ABCC5: variants seen among roughly 807,000 people sequenced by gnomAD.
ABCC5 encodes ATP binding cassette subfamily C member 5, also known as ATP-binding cassette sub-family C member 5.
Under a neutral mutation model 160.9 loss-of-function variants are expected in ABCC5, and 61 were observed. The ratio of observed to expected loss-of-function variants is 0.38; its 90% confidence interval spans 0.31 to 0.47. The LOEUF (loss-of-function observed/expected upper bound fraction) is 0.47. Ranked by LOEUF, ABCC5 falls within the 20% of genes least tolerant of loss-of-function variation. The pLI is 0.99. For synonymous variants in ABCC5, 666 were observed against 700.6 expected (o/e 0.95, Z 0.78); for missense variants, 1,308 against 1,813.3 (o/e 0.72, Z 5.06).
At position 183,987,435 on chromosome 3, in the gene ABCC5, A is replaced by C. The variant is rs1719319240; in HGVS notation, c.591+335T>G. 3 of 565,272 alleles carry C rather than the reference A, an allele frequency of 5.3e-6. No individual in the cohort carries two copies. The highest frequency in any genetic ancestry group is 9.4e-6 in the Non-Finnish European group (3 of 317,586). 35.0% of individuals were successfully genotyped at this position (565,272 alleles called of 1,614,324 possible). A position where few individuals can be genotyped will look rare whatever the true frequency, so the allele number is the denominator to read the frequency against. ...AGCCCGGGCCACACAACGTGCTCTC[A>C]CCCACTCATAGCACTGCAAGACACA... On this transcript the variant is annotated intron_variant, in intron 5 of 29. Transcript: ENST00000334444. The surrounding 1 kb of genome is among the most constrained non-coding windows in gnomAD (Gnocchi z 4.2).
intron 27 of ABCC5, 61 bp downstream of exon 27, chr3:183,928,686 G>A: frequency 6.8e-7 from 1 of 1,480,890 alleles, no homozygotes; most frequent in Non-Finnish European, 9.4e-7. Flanking sequence ...GTGTGGCAAG[G>A]GCACTGCTGT....
At chr3:184,014,526 G>GGA (rs759603044) in intron 1 of ABCC5, 79 bp from the exon 2 acceptor site, 1 of 512,266 alleles carries the variant, frequency 2.0e-6, no homozygotes, top group Non-Finnish European at 2.7e-6. Context: ...TTAAAAATAG[G>GGA]AAAAAAAAAA....
chr3:184,014,349 G>A lies in ABCC5; in HGVS notation c.44C>T (p.Pro15Leu). Residue 15 changes from proline (P) to leucine (L), a missense_variant, in exon 2 of 30, where the codon CCT becomes CTT. Pro to Leu is a moderately conservative substitution (Grantham distance 98). Around this residue, in one of 3 missense-constraint regions of ABCC5, gnomAD observed 1,142 missense variants for 1,527.1 expected, o/e 0.75. Coordinates refer to ENST00000334444, the MANE Select transcript of ABCC5 (RefSeq NM_005688.4). ...DIGKEYIIPS[P>L]GYRSVRERTS... ...TCTCTCCCTCACACTTCTATACCCA[G>A]GACTGGGGATGATATACTCTTTTCC... 21 of 1,613,712 alleles carry A rather than the reference G, an allele frequency of 1.3e-5. No homozygotes were observed. Among genetic ancestry groups the A allele is most frequent in the Non-Finnish European group, 1.8e-5 (21 of 1,179,846 alleles).
chr3:183,993,961 C>CTTT (rs746329198), intron 2 of ABCC5, among the ~76,000 whole-genome samples: 1 of 133,206 alleles, frequency 7.5e-6, no homozygotes, highest in Non-Finnish European at 1.6e-5. Flanking sequence ...GGAGATCTCA[C>CTTT]TTTTTTTTTT....
intron 25 of ABCC5, among the ~76,000 whole-genome samples, chr3:183,938,589 G>A (rs1396725431): frequency 2.0e-5 from 3 of 152,024 alleles, no homozygotes; most frequent in Admixed American, 2.0e-4. Context: ...GAGCCACCGC[G>A]CCTGGCTGAC....
At position 183,992,736 on chromosome 3, in the gene ABCC5, C is replaced by A. The variant is rs561905715; in HGVS notation, c.130-3353G>T. On this transcript the variant is annotated intron_variant, in intron 2 of 29. Coordinates refer to ENST00000334444, the MANE Select transcript of ABCC5 (RefSeq NM_005688.4). Reference sequence around the variant, plus strand: ...CCTGGGAGGCGGAGCTTGCAGTGAGCCAAGATAGCGCCACTGCACTCCGGC... The same window carrying A: ...CCTGGGAGGCGGAGCTTGCAGTGAGACAAGATAGCGCCACTGCACTCCGGC... 3.9e-5 allele frequency among the ~76,000 whole-genome samples: 6 copies of A among 152,042 alleles called. No homozygotes were observed. In the East Asian group the frequency reaches 1.2e-3, roughly 29 times the overall value.
At chr3:184,015,341 TC>T (rs1372934433) in intron 1 of ABCC5, among the ~76,000 whole-genome samples, 3 of 152,058 alleles carry the variant, frequency 2.0e-5, no homozygotes, top group Non-Finnish European at 4.4e-5. Context: ...CCAAAATGTT[TC>T]CCCCCTCTAA....
Position 183,951,845 on chromosome 3 carries a change from A to G in ABCC5, c.2814+12T>C, listed in dbSNP as rs748956833. The stretch of plus-strand genomic sequence containing the variant: ...CCAGGGAGGAGGGCAGAGACCACCC[A>G]CCAATGCATACCTTGACAAAGACAA... On this transcript the variant is annotated intron_variant, in intron 19 of 29. Coordinates refer to ENST00000334444, the MANE Select transcript of ABCC5 (RefSeq NM_005688.4). This position sits in a 1 kb window ranked among gnomAD's most constrained non-coding sequence, Gnocchi z 4.7. 9 of 1,611,372 alleles carry G rather than the reference A, an allele frequency of 5.6e-6. No homozygotes were observed. The East Asian group carries it at 2.0e-4, about 36-fold the overall frequency.
intron 24 of ABCC5, 57 bp downstream of exon 24, chr3:183,945,793 G>C: frequency 6.9e-7 from 1 of 1,452,444 alleles, no homozygotes; most frequent in Non-Finnish European, 9.7e-7. Flanking sequence ...AGGCAGCAAA[G>C]GGTAAACCGA....
At chr3:183,991,925 A>G (rs1719802985) in intron 2 of ABCC5, among the ~76,000 whole-genome samples, 1 of 152,216 alleles carries the variant, frequency 6.6e-6, no homozygotes, top group Non-Finnish European at 1.5e-5. Context: ...TTAAGTGAGT[A>G]GAAACTGGGA....
intron 2 of ABCC5, among the ~76,000 whole-genome samples, chr3:184,013,192 TA>T (rs1380682491): frequency 6.6e-6 from 1 of 152,236 alleles, no homozygotes; most frequent in Non-Finnish European, 1.5e-5. Flanking sequence ...AACATACTGA[TA>T]ATCCCACAAC....
chr3:183,928,959 T>C, intron 26 of ABCC5, 134 bp from the exon 27 acceptor site: 3 of 643,054 alleles, frequency 4.7e-6, no homozygotes, highest in South Asian at 4.1e-5. Flanking sequence ...AGACGGCTCA[T>C]TCCACAACCA....
intron 15 of ABCC5, among the ~76,000 whole-genome samples, chr3:183,962,994 G>A (rs1716912283): frequency 6.6e-6 from 1 of 152,224 alleles, no homozygotes; most frequent in South Asian, 2.1e-4. Flanking sequence ...CAACATCCTT[G>A]AGCTGCTCTC....
At chr3:183,935,039 C>T (rs11924558) in intron 26 of ABCC5, among the ~76,000 whole-genome samples, 5,503 of 150,990 alleles carry the variant, frequency 0.036, 327 homozygotes, top group African/African-American at 0.12. Flanking sequence ...TTTTTTTTTT[C>T]AAGGTGTTCC....
At chr3:184,002,464 TCAAA>T (rs1720827459) in intron 2 of ABCC5, among the ~76,000 whole-genome samples, 1 of 151,540 alleles carries the variant, frequency 6.6e-6, no homozygotes, top group Admixed American at 6.6e-5. Context: ...CTGTCAAGGT[TCAAA>T]CAAAGATCAG....
chr3:183,939,550 C>T (rs1714086267), intron 25 of ABCC5, among the ~76,000 whole-genome samples: 1 of 152,166 alleles, frequency 6.6e-6, no homozygotes, highest in South Asian at 2.1e-4. Context: ...GTTCAGCCAG[C>T]CCTCTAAGGG....
chr3:184,014,706 C>T (rs1270409551), intron 1 of ABCC5, among the ~76,000 whole-genome samples: 1 of 151,678 alleles, frequency 6.6e-6, no homozygotes, highest in Non-Finnish European at 1.5e-5. Context: ...AAACAGTAAA[C>T]ACACTAGTAA....
intron 9 of ABCC5, 86 bp from the exon 10 acceptor site, chr3:183,977,710 T>C: frequency 1.1e-6 from 1 of 902,948 alleles, no homozygotes; most frequent in Non-Finnish European, 1.7e-6. Flanking sequence ...TCTCAGGCGC[T>C]AGGAAGGCTG....
chr3:183,972,559 G>T (rs1257972262), intron 10 of ABCC5, among the ~76,000 whole-genome samples: 1 of 152,138 alleles, frequency 6.6e-6, no homozygotes, highest in Non-Finnish European at 1.5e-5. Context: ...GAAGTGAAGG[G>T]TATCTCCCTG....
Sources: allele counts gnomAD v4.1 joint callset (sites outside exome capture counted in the v4.1 genomes callset), GRCh38; gene constraint gnomAD v4.1.1; regional missense constraint gnomAD v4.1.1; non-coding constraint Gnocchi (gnomAD v3.1); transcripts MANE v1.5; gene names NCBI Gene and HGNC (gene_info 2026-07-23, HGNC 2026-07-21).